Variants in STRBP observed in about 807,000 individuals in gnomAD.
STRBP encodes the protein spermatid perinuclear RNA-binding protein.
A neutral mutation model predicts 80.1 loss-of-function variants in STRBP; 13 were observed. The observed-to-expected ratio is 0.16, with a 90% confidence interval of 0.11 to 0.26. The LOEUF is 0.26. Among genes scored for constraint, STRBP ranks in the 10% least tolerant of loss-of-function variants. The probability of loss-of-function intolerance (pLI) is 1.00; values close to 1 mark genes in which losing one functional copy is unlikely to be tolerated. For missense variants in STRBP, 485 were observed against 815.2 expected (o/e 0.59, Z 4.93); for synonymous variants, 284 against 291.2 (o/e 0.98, Z 0.25).
At chr9:123,208,205 GCTGGCTAAAGTCA>G (rs1472547446) in intron 2 of STRBP, among the ~76,000 whole-genome samples, 1 of 151,860 alleles carries the variant, frequency 6.6e-6, no homozygotes, top group East Asian at 1.9e-4. Flanking sequence ...ATTCGAGGGT[GCTGGCTAAAGTCA>G]CTGTCACTAT....
chr9:123,228,447 T>A (rs2040306323), intron 2 of STRBP, among the ~76,000 whole-genome samples: 1 of 152,082 alleles, frequency 6.6e-6, no homozygotes, highest in Non-Finnish European at 1.5e-5. Context: ...GATTGACCAA[T>A]AAAATGTGTG....
rs1290242608 is a variant in STRBP at position 123,110,395 on chromosome 9, G to A, written c.*85-642C>T. The stretch of plus-strand genomic sequence containing the variant: ...TCAGCCTCACTGTTCCTGGAAGTAC[G>A]ATTGCCCTAATTTATGGTTACCTCA... On this transcript the variant is annotated intron_variant and NMD_transcript_variant, in intron 3 of 3. Transcript: ENST00000471564. The surrounding 1 kb of genome is among the most constrained non-coding windows in gnomAD (Gnocchi z 4.1). The A allele has an allele frequency of 7.7e-5, 13 of 168,834 alleles. 1 individual carries two copies. The highest frequency in any genetic ancestry group is 1.5e-5 in the Non-Finnish European group (1 of 68,148). 10.5% of individuals were successfully genotyped at this position (168,834 alleles called of 1,614,324 possible).
intron 1 of STRBP, among the ~76,000 whole-genome samples, chr9:123,266,775 C>G (rs1320006260): frequency 6.6e-6 from 1 of 152,000 alleles, no homozygotes; most frequent in Non-Finnish European, 1.5e-5. Flanking sequence ...CCACATACAC[C>G]TCTGCCTTGC....
chr9:123,165,367 G>A (rs1221183448), intron 6 of STRBP, among the ~76,000 whole-genome samples: 1 of 151,596 alleles, frequency 6.6e-6, no homozygotes, highest in Non-Finnish European at 1.5e-5. Flanking sequence ...CATTATCACA[G>A]CTGTGATGGC....
At chr9:123,264,653 T>A (rs1041865620) in intron 1 of STRBP, among the ~76,000 whole-genome samples, 1 of 152,214 alleles carries the variant, frequency 6.6e-6, no homozygotes, top group African/African-American at 2.4e-5. Context: ...AGGGATTAAA[T>A]ATCTTGTCCA....
chr9:123,223,490 A>C (rs1434274017), intron 2 of STRBP, among the ~76,000 whole-genome samples: 2 of 152,170 alleles, frequency 1.3e-5, no homozygotes, highest in Non-Finnish European at 2.9e-5. Context: ...TTTGTATTAC[A>C]TGCTCAATTT....
Position 123,237,481 on chromosome 9 carries a change from C to G in STRBP, c.-301-515G>C, listed in dbSNP as rs1588144277. Among the ~76,000 whole-genome samples, 15 of 152,188 alleles carry G rather than the reference C, an allele frequency of 9.9e-5. 1 individual carries two copies. In the South Asian group the frequency reaches 3.1e-3, roughly 32 times the overall value. ...AGCTAGATGAGGCAATGAGACTAAG[C>G]CTTCAGCAATGGGAGGAGAAATTAT... is the stretch of plus-strand genomic sequence containing the variant. On this transcript the variant is annotated intron_variant, in intron 1 of 18. Transcript: ENST00000348403.
At chr9:123,252,561 A>G (rs2132633462) in intron 1 of STRBP, among the ~76,000 whole-genome samples, 1 of 152,368 alleles carries the variant, frequency 6.6e-6, no homozygotes, top group East Asian at 1.9e-4. Flanking sequence ...ACTTTTAAAT[A>G]AAAGTTTTTA....
chr9:123,111,603 CAA>C (rs2035568100), intron 3 of STRBP: 2 of 478,438 alleles, frequency 4.2e-6, no homozygotes, highest in Non-Finnish European at 8.7e-6. Flanking sequence ...GCCTGACAGA[CAA>C]GAGCCTTCCT....
intron 1 of STRBP, among the ~76,000 whole-genome samples, chr9:123,264,622 C>T (rs2041230458): frequency 6.6e-6 from 1 of 152,156 alleles, no homozygotes; most frequent in Admixed American, 6.5e-5. Context: ...AGTCAGATTT[C>T]TAGAGAAGAA....
At chr9:123,197,048 T>C (rs2039117906) in intron 2 of STRBP, among the ~76,000 whole-genome samples, 1 of 152,318 alleles carries the variant, frequency 6.6e-6, no homozygotes, top group South Asian at 2.1e-4. Context: ...TGGAGTACTA[T>C]TCTGCCATAA....
intron 1 of STRBP, among the ~76,000 whole-genome samples, chr9:123,246,621 G>C (rs1223679667): frequency 6.6e-6 from 1 of 152,208 alleles, no homozygotes; most frequent in Non-Finnish European, 1.5e-5. Context: ...AACAGAATTT[G>C]ACAGTTGTGT....
chr9:123,165,189 G>A (rs548431226), intron 6 of STRBP, among the ~76,000 whole-genome samples: 186 of 151,072 alleles, frequency 1.2e-3, no homozygotes, highest in African/African-American at 3.9e-3. Context: ...GCTGAGGCAG[G>A]AGAATCGCTT....
chr9:123,179,936 C>A (rs1274217961), intron 3 of STRBP, among the ~76,000 whole-genome samples: 1 of 152,022 alleles, frequency 6.6e-6, no homozygotes, highest in Non-Finnish European at 1.5e-5. Flanking sequence ...TCCAAACTGC[C>A]AAAGACTTCT....
chr9:123,173,436 C>T (rs80031174), intron 5 of STRBP, among the ~76,000 whole-genome samples: 2,524 of 152,104 alleles, frequency 0.017, 79 homozygotes, highest in African/African-American at 0.058. Flanking sequence ...CAAGATACAA[C>T]GGAAAAGTTT....
At chr9:123,259,333 T>G (rs1194045696) in intron 1 of STRBP, among the ~76,000 whole-genome samples, 5 of 152,046 alleles carry the variant, frequency 3.3e-5, no homozygotes, top group African/African-American at 7.2e-5. Flanking sequence ...TAAGTTCAAT[T>G]TGAAATAAGG....
At chr9:123,266,013 C>T (rs2041258708) in intron 1 of STRBP, among the ~76,000 whole-genome samples, 1 of 152,198 alleles carries the variant, frequency 6.6e-6, no homozygotes, top group Non-Finnish European at 1.5e-5. Context: ...TGACCCATTA[C>T]CCAGAAAGCA....
intron 1 of STRBP, among the ~76,000 whole-genome samples, chr9:123,238,645 A>C (rs1403069493): frequency 6.6e-6 from 1 of 152,218 alleles, no homozygotes; most frequent in Non-Finnish European, 1.5e-5. Flanking sequence ...CTAACATCCC[A>C]CGTATGCAAA....
intron 2 of STRBP, among the ~76,000 whole-genome samples, chr9:123,208,901 G>A (rs1436952972): frequency 2.0e-5 from 3 of 152,082 alleles, no homozygotes; most frequent in African/African-American, 7.2e-5. Context: ...TTCTTGTCTG[G>A]TTCCCTTCCC....
Sources: allele counts gnomAD v4.1 joint callset (sites outside exome capture counted in the v4.1 genomes callset), GRCh38; gene constraint gnomAD v4.1.1; non-coding constraint Gnocchi (gnomAD v3.1); transcripts MANE v1.5; gene names NCBI Gene and HGNC (gene_info 2026-07-23, HGNC 2026-07-21).